FAM193A: variants seen among roughly 807,000 people sequenced by gnomAD.
FAM193A encodes family with sequence similarity 193 member A.
In FAM193A, 22 loss-of-function variants were observed where a neutral mutation model predicts 126.5. That is an observed-to-expected ratio of 0.17 (90% confidence interval 0.12 to 0.25). FAM193A has a LOEUF of 0.25. FAM193A is among the 10% of genes least tolerant of loss of function. The pLI, the probability that FAM193A is intolerant of heterozygous loss-of-function variation, is 1.00. For missense variants in FAM193A, 1,675 were observed against 1,672.8 expected, an observed-to-expected ratio of 1.00 and a Z score of -0.02; for synonymous variants, 761 against 646.8, an observed-to-expected ratio of 1.18 and a Z score of -2.68.
intron 20 of FAM193A, among the ~76,000 whole-genome samples, chr4:2,721,870 A>G (rs946680135): frequency 1.1e-4 from 17 of 152,290 alleles, no homozygotes; most frequent in Middle Eastern, 3.4e-3. Context: ...CTGTCTGTTC[A>G]CTGCCATGTG....
chr4:2,576,020 T>G (rs1739564782), intron 1 of FAM193A, among the ~76,000 whole-genome samples: 1 of 152,158 alleles, frequency 6.6e-6, no homozygotes, highest in Non-Finnish European at 1.5e-5. Context: ...GAGGTCAGAT[T>G]CCTTATAGTT....
At chr4:2,580,592 AT>A (rs1158830033) in intron 1 of FAM193A, among the ~76,000 whole-genome samples, 2 of 152,184 alleles carry the variant, frequency 1.3e-5, no homozygotes, top group African/African-American at 4.8e-5. Context: ...TGTCCTCCCC[AT>A]GGTAATGAAT....
At chr4:2,649,210 C>T (rs1224050366) in intron 7 of FAM193A, among the ~76,000 whole-genome samples, 1 of 151,092 alleles carries the variant, frequency 6.6e-6, no homozygotes, top group East Asian at 2.0e-4. Context: ...CTTGTCTCTA[C>T]AAAAAATTAA....
At chr4:2,557,053 A>G (rs761054670) in intron 1 of FAM193A, among the ~76,000 whole-genome samples, 4 of 152,222 alleles carry the variant, frequency 2.6e-5, no homozygotes, top group Non-Finnish European at 4.4e-5. Flanking sequence ...GATAATACTC[A>G]ACCCTAAAAT....
At chr4:2,669,470 G>A (rs1713540053) in intron 12 of FAM193A, among the ~76,000 whole-genome samples, 1 of 152,080 alleles carries the variant, frequency 6.6e-6, no homozygotes, top group Admixed American at 6.5e-5. Flanking sequence ...TTAGCCAGGC[G>A]TGCTATCATG....
chr4:2,643,684 G>C (rs1431974258), intron 6 of FAM193A, among the ~76,000 whole-genome samples: 1 of 152,124 alleles, frequency 6.6e-6, no homozygotes, highest in Non-Finnish European at 1.5e-5. Context: ...TAGGCCATCT[G>C]TCCTGGGGGT....
At chr4:2,535,969 A>C (rs946747412), upstream of FAM193A, among the ~76,000 whole-genome samples, 3 of 151,980 alleles carry the variant, frequency 2.0e-5, no homozygotes, top group Non-Finnish European at 2.9e-5. Flanking sequence ...CCGGCTTTCC[A>C]GCGCTGCCCG....
At chr4:2,580,296 AG>A (rs1283290561) in intron 1 of FAM193A, among the ~76,000 whole-genome samples, 1 of 152,152 alleles carries the variant, frequency 6.6e-6, no homozygotes, top group East Asian at 1.9e-4. Context: ...ATGGACACGT[AG>A]AGGGGAACAA....
At position 2,708,143 on chromosome 4, in the gene FAM193A, G is replaced by A. The variant is rs527753435; in HGVS notation, c.4372+7599G>A. ...TTTTGTTTGTTTGTTTGTTTATTTC[G>A]AGATGGAGTTTCGCTCTTGTTGCCC... On this transcript the variant is annotated intron_variant, in intron 19 of 20. Coordinates refer to ENST00000637812, the MANE Select transcript of FAM193A (RefSeq NM_001366318.2). 20 of 448,172 alleles carry A rather than the reference G, an allele frequency of 4.5e-5. 1 individual carries two copies. Among genetic ancestry groups the A allele is most frequent in the South Asian group, 2.8e-4 (18 of 64,044 alleles). 27.8% of individuals were successfully genotyped at this position (448,172 alleles called of 1,614,324 possible). A position where few individuals can be genotyped will look rare whatever the true frequency, so the allele number is the denominator to read the frequency against.
chr4:2,655,415 G>T (rs1318149589), intron 7 of FAM193A, among the ~76,000 whole-genome samples: 1 of 151,488 alleles, frequency 6.6e-6, no homozygotes, highest in Non-Finnish European at 1.5e-5. Flanking sequence ...GCTGATATTT[G>T]ATTTAGGACG....
At chr4:2,555,255 T>C (rs904420760) in intron 1 of FAM193A, among the ~76,000 whole-genome samples, 2 of 152,230 alleles carry the variant, frequency 1.3e-5, no homozygotes, top group African/African-American at 4.8e-5. Flanking sequence ...TTGACCAGTA[T>C]GAGTTCAAAT....
At chr4:2,603,144 G>A (rs982118706) in intron 2 of FAM193A, among the ~76,000 whole-genome samples, 4 of 147,408 alleles carry the variant, frequency 2.7e-5, no homozygotes, top group Admixed American at 2.0e-4. Context: ...AATTTTGTGT[G>A]TATATATATA....
At chr4:2,673,631 A>G (rs899678878) in intron 13 of FAM193A, among the ~76,000 whole-genome samples, 4 of 151,998 alleles carry the variant, frequency 2.6e-5, no homozygotes, top group African/African-American at 9.7e-5. Flanking sequence ...GGCTATCTTC[A>G]TGGTCCGCCT....
rs111930685 is a variant in FAM193A at position 2,707,830 on chromosome 4, A to G, written c.4372+7286A>G. ...CTGCGGACTTTATTTCCCAGGTTCA[A>G]TTCCACCTCCTGGGTTCAAGCAGTT... On this transcript the variant is annotated intron_variant, in intron 19 of 20. Transcript: ENST00000637812. Among the ~76,000 whole-genome samples the G allele has an allele frequency of 2.6e-4, 39 of 151,592 alleles. 3 individuals are homozygous for G. The highest frequency in any genetic ancestry group is 7.3e-4 in the African/African-American group (30 of 41,310).
intron 6 of FAM193A, among the ~76,000 whole-genome samples, chr4:2,643,109 CACAG>C (rs1744798764): frequency 6.6e-6 from 1 of 152,108 alleles, no homozygotes; most frequent in Admixed American, 6.6e-5. Flanking sequence ...GAAGGATAAA[CACAG>C]ACAGGGACAG....
intron 1 of FAM193A, among the ~76,000 whole-genome samples, chr4:2,541,479 C>T (rs1349719869): frequency 6.9e-6 from 1 of 145,708 alleles, no homozygotes; most frequent in African/African-American, 2.6e-5. Context: ...CAGAGTCTCG[C>T]TCTGTCACCA....
intron 4 of FAM193A, among the ~76,000 whole-genome samples, chr4:2,627,445 G>A (rs1052475370): frequency 6.8e-5 from 6 of 88,244 alleles, no homozygotes; most frequent in Non-Finnish European, 1.5e-4. Flanking sequence ...CACTGCGTCC[G>A]GCAACATAAC....
At chr4:2,592,589 G>A (rs2108901061) in intron 1 of FAM193A, among the ~76,000 whole-genome samples, 1 of 152,274 alleles carries the variant, frequency 6.6e-6, no homozygotes, top group South Asian at 2.1e-4. Context: ...ACCGCGGCAA[G>A]CTCCAGCCTT....
chr4:2,622,429 G>A (rs967822216), intron 2 of FAM193A, among the ~76,000 whole-genome samples: 4 of 152,154 alleles, frequency 2.6e-5, no homozygotes, highest in Admixed American at 6.5e-5. Flanking sequence ...GCACTGGAGC[G>A]GAGACTTGGG....
Sources: allele counts gnomAD v4.1 joint callset (sites outside exome capture counted in the v4.1 genomes callset), GRCh38; gene constraint gnomAD v4.1.1; transcripts MANE v1.5; gene names NCBI Gene and HGNC (gene_info 2026-07-23, HGNC 2026-07-21).